The following ANO4 variants were observed in gnomAD, a reference collection of about 807,000 sequenced individuals.
ANO4 encodes the protein anoctamin 4, also known as anoctamin-4.
ANO4 carries 69 observed loss-of-function variants against 141.9 expected under a neutral mutation model. The ratio of observed to expected loss-of-function variants is 0.49; its 90% confidence interval spans 0.40 to 0.59. The LOEUF is 0.59. Ranked by LOEUF, ANO4 falls within the 20% of genes least tolerant of loss-of-function variation. ANO4 has a pLI of 0.00. For synonymous variants in ANO4, 350 were observed against 394.3 expected (o/e 0.89, Z 1.33); for missense variants, 894 against 1,162.2 (o/e 0.77, Z 3.36).
At chr12:101,016,743 A>G (rs2046332698) in intron 8 of ANO4, among the ~76,000 whole-genome samples, 1 of 152,230 alleles carries the variant, frequency 6.6e-6, no homozygotes, top group South Asian at 2.1e-4. Context: ...AATGTAATAG[A>G]AACTACAGCA....
chr12:100,885,629 G>A (rs1056015285), intron 1 of ANO4: 22 of 152,184 alleles, frequency 1.4e-4, no homozygotes, highest in Admixed American at 1.4e-3. Flanking sequence ...TATGATTGAT[G>A]TGGTGATTAC....
chr12:100,908,306 G>A (rs2040939030), intron 2 of ANO4, among the ~76,000 whole-genome samples: 1 of 152,102 alleles, frequency 6.6e-6, no homozygotes. Context: ...CCAAGATTGC[G>A]CCGCTGCACT....
intron 1 of ANO4, among the ~76,000 whole-genome samples, chr12:100,802,073 T>G (rs146671600): frequency 1.3e-5 from 2 of 152,100 alleles, no homozygotes; most frequent in Non-Finnish European, 2.9e-5. Flanking sequence ...AGCCGGGAAG[T>G]CTAACTTAAA....
chr12:101,087,173 G>A (rs2049538579), intron 17 of ANO4, among the ~76,000 whole-genome samples: 1 of 152,122 alleles, frequency 6.6e-6, no homozygotes, highest in Non-Finnish European at 1.5e-5. Context: ...GCATTGCAAT[G>A]TTGGTTCCTG....
At chr12:100,869,173 C>T (rs1302358917) in intron 1 of ANO4, among the ~76,000 whole-genome samples, 1 of 152,188 alleles carries the variant, frequency 6.6e-6, no homozygotes, top group Non-Finnish European at 1.5e-5. Context: ...TGAGATCAAG[C>T]CTTATGTTTT....
At position 101,097,875 on chromosome 12, in the gene ANO4, C is replaced by G; in HGVS notation, c.1936C>G (p.Leu646Val). ...ECHPSGCLID[L>V]CMQMGIIMVL... ...CCACCCTAGTGGATGCCTTATTGAT[C>G]TGTGTATGCAAATGGGTATTATAAT... The change falls in exon 21 of 28, where the codon CTG becomes GTG. Residue 646 changes from leucine (L) to valine (V), a missense_variant. This residue lies in a region of ANO4 where 637 missense variants were observed against 909.2 expected (regional missense o/e 0.70). Transcript: ENST00000392977. 3 of 1,613,840 alleles carry G rather than the reference C, an allele frequency of 1.9e-6. No homozygotes were observed. Among genetic ancestry groups the G allele is most frequent in the Non-Finnish European group, 2.5e-6 (3 of 1,179,830 alleles).
At chr12:101,119,709 C>T (rs1257896298) in intron 25 of ANO4, among the ~76,000 whole-genome samples, 2 of 152,030 alleles carry the variant, frequency 1.3e-5, no homozygotes, top group Admixed American at 6.6e-5. Flanking sequence ...AATGCATATA[C>T]ATATAAGTTA....
chr12:100,814,420 T>C (rs1448762472), intron 1 of ANO4, among the ~76,000 whole-genome samples: 1 of 152,124 alleles, frequency 6.6e-6, no homozygotes, highest in African/African-American at 2.4e-5. Flanking sequence ...TACAAGTTCA[T>C]ATGACAACAT....
chr12:101,087,696 C>A (rs1263439401), intron 17 of ANO4, among the ~76,000 whole-genome samples: 1 of 152,098 alleles, frequency 6.6e-6, no homozygotes, highest in Non-Finnish European at 1.5e-5. Flanking sequence ...CCTGCTTGAC[C>A]ATCTCCACCT....
chr12:101,051,932 C>T (rs926648562), intron 14 of ANO4, among the ~76,000 whole-genome samples: 6 of 152,262 alleles, frequency 3.9e-5, no homozygotes, highest in Admixed American at 3.3e-4. Flanking sequence ...TCTAATGGAG[C>T]TCAGTTTAAT....
At chr12:101,050,251 A>G (rs2047804475) in intron 14 of ANO4, among the ~76,000 whole-genome samples, 1 of 152,180 alleles carries the variant, frequency 6.6e-6, no homozygotes, top group Admixed American at 6.5e-5. Flanking sequence ...GAGTGTCAGG[A>G]TGAAGACCCA....
chr12:100,811,149 G>A (rs1195872422), intron 1 of ANO4, among the ~76,000 whole-genome samples: 1 of 152,120 alleles, frequency 6.6e-6, no homozygotes, highest in Non-Finnish European at 1.5e-5. Context: ...AATAATTTGG[G>A]CGGTCACAGA....
At chr12:101,126,853 C>A in intron 26 of ANO4, 26 bp from the exon 27 acceptor site, 1 of 1,578,228 alleles carries the variant, frequency 6.3e-7, no homozygotes, top group Admixed American at 1.7e-5. Context: ...GTAGACCTGA[C>A]GCTGTTACAT....
At chr12:101,120,460 A>C in intron 25 of ANO4, 60 bp from the exon 26 acceptor site, 69 of 1,402,372 alleles carry the variant, frequency 4.9e-5, no homozygotes, top group Non-Finnish European at 6.5e-5. Flanking sequence ...TGAGAATGGA[A>C]GAGATTTGAG....
rs374823220 is a variant in ANO4 at position 100,812,052 on chromosome 12, A to G, written c.-141+17025A>G. Among the ~76,000 whole-genome samples, 407 of 144,956 alleles carry G rather than the reference A, an allele frequency of 2.8e-3. 2 individuals carry two copies. Among genetic ancestry groups the G allele is most frequent in the African/African-American group, 9.3e-3 (357 of 38,552 alleles). ...CACATATATGTGTACACACACACAC[A>G]CGCGTAATTCCTCTTCTCTCCCCCC... On this transcript the variant is annotated intron_variant, in intron 1 of 27. Transcript: ENST00000392977.
At chr12:100,969,728 A>G (rs1160710218) in intron 5 of ANO4, among the ~76,000 whole-genome samples, 3 of 152,250 alleles carry the variant, frequency 2.0e-5, no homozygotes, top group African/African-American at 7.2e-5. Flanking sequence ...CAATACTAGT[A>G]TAAGGAAAGT....
At chr12:101,008,711 A>T (rs938287312) in intron 8 of ANO4, among the ~76,000 whole-genome samples, 3 of 152,096 alleles carry the variant, frequency 2.0e-5, no homozygotes, top group African/African-American at 7.2e-5. Context: ...TCCATCTTAC[A>T]TTCTGCCAGT....
intron 1 of ANO4, among the ~76,000 whole-genome samples, chr12:100,814,373 C>T (rs1044937680): frequency 6.6e-6 from 1 of 152,046 alleles, no homozygotes; most frequent in Non-Finnish European, 1.5e-5. Context: ...TGCCCATTTA[C>T]GTGAATGTTC....
At chr12:100,984,642 A>C (rs2044628821) in intron 7 of ANO4, among the ~76,000 whole-genome samples, 1 of 152,306 alleles carries the variant, frequency 6.6e-6, no homozygotes, top group African/African-American at 2.4e-5. Flanking sequence ...TTGGAAAAGA[A>C]GGCTCTGAAG....
Sources: gnomAD v4.1 joint callset for allele counts (sites outside exome capture counted in the v4.1 genomes callset) on GRCh38, gnomAD v4.1.1 for gene constraint, gnomAD v4.1.1 regional missense constraint, MANE v1.5 for transcripts, NCBI Gene and HGNC (gene_info 2026-07-23, HGNC 2026-07-21) for gene names.